Variants in KCNH7 observed in about 807,000 individuals in gnomAD.
KCNH7 encodes potassium voltage-gated channel subfamily H member 7.
A neutral mutation model predicts 120.8 loss-of-function variants in KCNH7; 49 were observed. That is an observed-to-expected ratio of 0.41 (90% CI 0.32 to 0.51). The LOEUF (loss-of-function observed/expected upper bound fraction) is 0.51. Among genes scored for constraint, KCNH7 ranks in the 20% least tolerant of loss-of-function variants. The pLI is 0.38. For missense variants in KCNH7, 1,097 were observed against 1,446.6 expected, an observed-to-expected ratio of 0.76 and a Z score of 3.92; for synonymous variants, 547 against 516.1, an observed-to-expected ratio of 1.06 and a Z score of -0.81.
chr2:162,562,570 C>T (rs975923830), intron 2 of KCNH7, among the ~76,000 whole-genome samples: 6 of 152,108 alleles, frequency 3.9e-5, no homozygotes, highest in Non-Finnish European at 7.4e-5. Context: ...TAAAAGTACT[C>T]GGTCCTTAGC....
chr2:162,495,374 A>G (rs1690461284), intron 6 of KCNH7, among the ~76,000 whole-genome samples: 1 of 152,168 alleles, frequency 6.6e-6, no homozygotes, highest in Non-Finnish European at 1.5e-5. Flanking sequence ...GGGGACCTCA[A>G]GAAGAGAGGA....
intron 2 of KCNH7, among the ~76,000 whole-genome samples, chr2:162,588,893 C>T (rs552470553): frequency 2.0e-5 from 3 of 152,142 alleles, no homozygotes; most frequent in Non-Finnish European, 4.4e-5. Flanking sequence ...ATTAACCCAC[C>T]TACCCTCTTT....
intron 5 of KCNH7, among the ~76,000 whole-genome samples, chr2:162,512,259 T>C: frequency 6.6e-6 from 1 of 151,808 alleles, no homozygotes; most frequent in East Asian, 1.9e-4. Flanking sequence ...ACAAGTGAAG[T>C]GATGCTGTCA....
At chr2:162,709,166 C>T (rs1004925079) in intron 2 of KCNH7, among the ~76,000 whole-genome samples, 1 of 151,828 alleles carries the variant, frequency 6.6e-6, no homozygotes, top group Non-Finnish European at 1.5e-5. Context: ...CTAGGTTTAT[C>T]GTGATAATTA....
chr2:162,408,359 A>T (rs78350265), intron 9 of KCNH7, among the ~76,000 whole-genome samples: 5,344 of 152,118 alleles, frequency 0.035, 348 homozygotes, highest in African/African-American at 0.12. Flanking sequence ...GTTATCCAAC[A>T]TTTTGTAAAA....
intron 4 of KCNH7, 60 bp downstream of exon 4, chr2:162,517,670 G>T: frequency 7.6e-7 from 1 of 1,318,434 alleles, no homozygotes; most frequent in Non-Finnish European, 1.0e-6. Flanking sequence ...CAAACAATAT[G>T]CAAATAATCA....
At chr2:162,532,635 C>T (rs1211435469) in intron 3 of KCNH7, among the ~76,000 whole-genome samples, 2 of 151,816 alleles carry the variant, frequency 1.3e-5, no homozygotes, top group Non-Finnish European at 1.5e-5. Flanking sequence ...AATATTTTAC[C>T]CACACACGTT....
chr2:162,696,329 G>A (rs764766527), intron 2 of KCNH7, among the ~76,000 whole-genome samples: 6 of 152,114 alleles, frequency 3.9e-5, no homozygotes, highest in Admixed American at 1.3e-4. Context: ...AGGATAAGTA[G>A]TATTGCTATT....
At chr2:162,744,800 C>T (rs1310210337) in intron 2 of KCNH7, among the ~76,000 whole-genome samples, 3 of 152,082 alleles carry the variant, frequency 2.0e-5, no homozygotes, top group East Asian at 1.9e-4. Context: ...GTCTCGGTCT[C>T]CTGACCTCGT....
chr2:162,825,495 C>T (rs1685248859), intron 2 of KCNH7, among the ~76,000 whole-genome samples: 1 of 151,550 alleles, frequency 6.6e-6, no homozygotes, highest in Admixed American at 6.6e-5. Context: ...TAAATATATA[C>T]CTTTTTGCTG....
chr2:162,476,140 G>A (rs114725733), intron 6 of KCNH7, among the ~76,000 whole-genome samples: 1 of 152,280 alleles, frequency 6.6e-6, no homozygotes, highest in African/African-American at 2.4e-5. Flanking sequence ...CTCATTAAAG[G>A]AGTCTGGCGC....
rs1683055380 is a variant in KCNH7, at chr2:162,771,549, C to T, written c.307+64988G>A. Among the ~76,000 whole-genome samples, 3 of 152,060 alleles carry T rather than the reference C, an allele frequency of 2.0e-5. No homozygotes were observed. The South Asian group carries it at 6.2e-4, about 32-fold the overall frequency. On this transcript the variant is annotated intron_variant, in intron 2 of 15. Coordinates refer to ENST00000332142, the MANE Select transcript of KCNH7 (RefSeq NM_033272.4). ...TTCTTATTTGTATACATTTTTATTG[C>T]CTCTACTAGATTTTTTGGTATGTTA...
rs984104166 is a variant in KCNH7, at chr2:162,570,890, G to A, written c.308-33810C>T. ...TCAATAAATTAGGTATTGATGGGCCGTATTTCAAAATAATAAGAGGTATCT... is the reference window on the plus strand; with the variant it reads ...TCAATAAATTAGGTATTGATGGGCCATATTTCAAAATAATAAGAGGTATCT... On this transcript the variant is annotated intron_variant, in intron 2 of 15. Transcript: ENST00000332142. Among the ~76,000 whole-genome samples, 35 of 152,120 alleles carry A rather than the reference G, an allele frequency of 2.3e-4. 1 individual carries two copies. The highest frequency in any genetic ancestry group is 6.5e-4 in the African/African-American group (27 of 41,498).
chr2:162,401,396 G>A (rs985096520), intron 9 of KCNH7, among the ~76,000 whole-genome samples: 3 of 151,852 alleles, frequency 2.0e-5, no homozygotes, highest in Non-Finnish European at 2.9e-5. Context: ...CTTTGAGGTG[G>A]AGGAATGGGG....
At chr2:162,663,247 A>G (rs1685027659) in intron 2 of KCNH7, among the ~76,000 whole-genome samples, 1 of 152,208 alleles carries the variant, frequency 6.6e-6, no homozygotes, top group Admixed American at 6.5e-5. Flanking sequence ...TTGAATATGC[A>G]TTTTAAGACA....
In KCNH7 at chr2:162,423,446, G is replaced by T. The variant is rs374177414; in HGVS notation, c.2044C>A (p.Arg682=). 1.5e-5 allele frequency: 25 copies of T among 1,614,068 alleles called. No homozygotes were observed. In the African/African-American group the frequency reaches 1.7e-4, roughly 11 times the overall value. ...TGAAAGCGAATGAACTCTTTTACTC[G>T]CAGCATCTGCATGTGGTACCTGGCA... The part of the protein sequence containing the change: ...GTARYHMQML[R]VKEFIRFHQI... Residue 682 remains arginine (R), a synonymous_variant, in exon 9 of 16, where the codon CGA becomes AGA. Coordinates refer to ENST00000332142, the MANE Select transcript of KCNH7 (RefSeq NM_033272.4).
At chr2:162,381,998 C>T (rs989669467) in intron 13 of KCNH7, among the ~76,000 whole-genome samples, 1 of 152,040 alleles carries the variant, frequency 6.6e-6, no homozygotes, top group Non-Finnish European at 1.5e-5. Context: ...CTGCTGCTAG[C>T]CAGTTAATGT....
At chr2:162,584,128 C>T (rs76006792) in intron 2 of KCNH7, among the ~76,000 whole-genome samples, 1,658 of 152,228 alleles carry the variant, frequency 0.011, 25 homozygotes, top group South Asian at 0.048. Flanking sequence ...TACTTAAATA[C>T]ATGCTTACTG....
At chr2:162,515,358 T>C (rs1392758531) in intron 4 of KCNH7, among the ~76,000 whole-genome samples, 2 of 151,786 alleles carry the variant, frequency 1.3e-5, no homozygotes, top group African/African-American at 2.4e-5. Flanking sequence ...ATGGATATCA[T>C]ATAAATTAAA....
Sources: allele counts gnomAD v4.1 joint callset (sites outside exome capture counted in the v4.1 genomes callset), GRCh38; gene constraint gnomAD v4.1.1; transcripts MANE v1.5; gene names NCBI Gene and HGNC (gene_info 2026-07-23, HGNC 2026-07-21).